Variants in CLN3 observed in about 807,000 individuals in gnomAD.
CLN3 encodes battenin.
CLN3 carries 49 observed loss-of-function variants against 60.7 expected under a neutral mutation model. The ratio of observed to expected loss-of-function variants is 0.81; its 90% CI spans 0.64 to 1.02. The LOEUF is 1.02. Among genes scored for constraint, CLN3 ranks in the 50% least tolerant of loss-of-function variants. The pLI, the probability that CLN3 is intolerant of heterozygous loss-of-function variation, is 0.00. For synonymous variants in CLN3, 256 were observed against 245.8 expected, an observed-to-expected ratio of 1.04 and a Z score of -0.39; for missense variants, 516 against 557.4, an observed-to-expected ratio of 0.93 and a Z score of 0.75.
chr16:28,490,081 G>C (rs934672962), intron 3 of CLN3, among the ~76,000 whole-genome samples: 4 of 145,164 alleles, frequency 2.8e-5, no homozygotes, highest in Non-Finnish European at 6.0e-5. Context: ...AAAAAGGAGA[G>C]TGGTCACAGA....
Position 28,487,094 on chromosome 16 carries a change from A to G in CLN3, c.460+362T>C, listed in dbSNP as rs1457972385. On this transcript the variant is annotated intron_variant, in intron 7 of 15. Transcript: ENST00000636147. ...CCCAGCTAATTTTTGTATTTTTGGT[A>G]GAGACGGGGTTTCTCCATGTTGGCC... is the stretch of plus-strand genomic sequence containing the variant. The G allele has an allele frequency of 1.3e-5, 5 of 375,016 alleles. No individual in the cohort carries two copies. The East Asian group carries it at 3.1e-4, about 24-fold the overall frequency. The allele number at this position is 375,016 out of a possible 1,614,324, so 23.2% of individuals were successfully genotyped here.
downstream of CLN3, among the ~76,000 whole-genome samples, chr16:28,472,193 A>T (rs1272961643): frequency 1.3e-5 from 2 of 152,182 alleles, no homozygotes; most frequent in African/African-American, 4.8e-5. Flanking sequence ...TGGGCAGATC[A>T]TTTGAGCTGA....
downstream of CLN3, chr16:28,474,162 G>A (rs1296344640): frequency 6.6e-6 from 1 of 152,284 alleles, no homozygotes; most frequent in South Asian, 2.1e-4. Context: ...CAGCTACTTG[G>A]GAGGCTGAGG....
At chr16:28,472,023 C>G (rs971201504), downstream of CLN3, among the ~76,000 whole-genome samples, 1 of 151,988 alleles carries the variant, frequency 6.6e-6, no homozygotes, top group African/African-American at 2.4e-5. Flanking sequence ...GAGCGAGACT[C>G]CGTCTCCAAA....
chr16:28,491,821 G>T lies in CLN3; in HGVS notation c.-62C>A. 6.3e-7 allele frequency: 1 copy of T among 1,594,504 alleles called. No individual in the cohort carries two copies. The highest frequency in any genetic ancestry group is 8.6e-7 in the Non-Finnish European group (1 of 1,169,356). ...TAGAGTGTCCAAAGGGGGCTCCCAC[G>T]GGAGGGATGAGGGTCTGCGACAGGT... On this transcript the variant is annotated 5_prime_UTR_variant, in exon 2 of 16. Transcript: ENST00000636147.
Position 28,477,573 on chromosome 16 carries a change from G to C in CLN3, c.1260C>G (p.Ile420Met), listed in dbSNP as rs753454206. The change falls in exon 16 of 16, where the codon ATC (isoleucine) becomes ATG (methionine). Residue 420 changes from isoleucine (I) to methionine (M), a missense_variant. By Grantham distance (10) the Ile-to-Met change is conservative (BLOSUM62 1). Coordinates refer to ENST00000636147, the MANE Select transcript of CLN3 (RefSeq NM_001042432.2). The stretch of plus-strand genomic sequence containing the variant: ...GCAAAGCCAGGAGCCCCGACAGGGA[G>C]ATCCCCAGTGTGTCAGAGATGCAGG... Reference protein sequence around the residue: ...AATCISDTLGISLSGLLALPL... With the variant: ...AATCISDTLGMSLSGLLALPL... The C allele has an allele frequency of 6.2e-7, 1 of 1,613,996 alleles. No individual in the cohort carries two copies. The highest frequency in any genetic ancestry group is 8.5e-7 in the Non-Finnish European group (1 of 1,180,024).
At position 28,491,517 on chromosome 16, in the gene CLN3, A is replaced by T; in HGVS notation, c.90T>A (p.His30Gln). The change falls in exon 3 of 16, where the codon CAT becomes CAA. Residue 30 changes from histidine to glutamine, a missense_variant. Transcript: ENST00000636147. ...VPEPRLPLLD[H>Q]QGAHWKNAVG... ...CCGCGTTCTTCCAATGCGCGCCCTGATGGTCCAACAGAGGGAGCCGGGGCT... is the reference window on the plus strand; with the variant it reads ...CCGCGTTCTTCCAATGCGCGCCCTGTTGGTCCAACAGAGGGAGCCGGGGCT... 2 of 1,613,974 alleles carry T rather than the reference A, an allele frequency of 1.2e-6. No homozygotes were observed. The highest frequency in any genetic ancestry group is 8.5e-7 in the Non-Finnish European group (1 of 1,180,032).
At chr16:28,480,846 T>C (rs1251012865) in intron 14 of CLN3, among the ~76,000 whole-genome samples, 1 of 152,218 alleles carries the variant, frequency 6.6e-6, no homozygotes. Context: ...TAGACTGTTG[T>C]AAGGAAGGGT....
chr16:28,473,073 G>C (rs1392445299), downstream of CLN3, among the ~76,000 whole-genome samples: 1 of 151,934 alleles, frequency 6.6e-6, no homozygotes, highest in Non-Finnish European at 1.5e-5. Context: ...GAGTAGCTGG[G>C]AGTACAGGCA....
downstream of CLN3, among the ~76,000 whole-genome samples, chr16:28,470,040 C>T (rs1417016381): frequency 6.9e-6 from 1 of 145,910 alleles, no homozygotes; most frequent in African/African-American, 2.6e-5. Context: ...TGTTTTGGTC[C>T]ATTTTGTTTG....
chr16:28,490,659 C>G (rs1193707174), intron 3 of CLN3, among the ~76,000 whole-genome samples: 1 of 147,402 alleles, frequency 6.8e-6, no homozygotes, highest in Admixed American at 7.0e-5. Context: ...ACTCCGGAGG[C>G]TGAGGCAAAA....
downstream of CLN3, among the ~76,000 whole-genome samples, chr16:28,472,225 C>A (rs185287876): frequency 2.0e-5 from 3 of 152,028 alleles, no homozygotes; most frequent in East Asian, 1.9e-4. Flanking sequence ...CCAGACTGGG[C>A]AACATAGTGA....
chr16:28,480,226 A>AT (rs1314622833), intron 14 of CLN3, among the ~76,000 whole-genome samples: 1 of 150,584 alleles, frequency 6.6e-6, no homozygotes, highest in Non-Finnish European at 1.5e-5. Context: ...TTTTTTTTTA[A>AT]TTTTTTGTAG....
At chr16:28,474,015 C>T (rs2045972086), downstream of CLN3, 1 of 151,782 alleles carries the variant, frequency 6.6e-6, no homozygotes, top group East Asian at 1.9e-4. Flanking sequence ...TGCCTGTAAT[C>T]CCAGCACTCT....
At chr16:28,482,434 C>T (rs935793554) in intron 12 of CLN3, 43 bp downstream of exon 12, 1 of 1,613,820 alleles carries the variant, frequency 6.2e-7, no homozygotes, top group Non-Finnish European at 8.5e-7. Flanking sequence ...GGGTCCCAGC[C>T]CCAATCGCCA....
At position 28,486,796 on chromosome 16, in the gene CLN3, C is replaced by A; in HGVS notation, c.461-146G>T. 5.2e-6 allele frequency: 4 copies of A among 764,894 alleles called. No individual in the cohort carries two copies. The South Asian group carries it at 5.9e-5, about 11-fold the overall frequency. The allele number at this position is 764,894 out of a possible 1,614,324, so 47.4% of individuals were successfully genotyped here. On this transcript the variant is annotated intron_variant, in intron 7 of 15. Coordinates refer to ENST00000636147, the MANE Select transcript of CLN3 (RefSeq NM_001042432.2). ...CATAGGCCAGGTTCCAGGTCTGAAG[C>A]AGAGCCCCACTCCCCTGCGTGTCCC...
chr16:28,483,862 C>A, intron 10 of CLN3, 144 bp downstream of exon 10: 1 of 667,986 alleles, frequency 1.5e-6, no homozygotes, highest in Non-Finnish European at 2.6e-6. Context: ...TCGTCCTCAA[C>A]AAGTATTTCT....
At chr16:28,491,603 G>A in intron 2 of CLN3, 43 bp from the exon 3 acceptor site, 4 of 1,613,476 alleles carry the variant, frequency 2.5e-6, no homozygotes, top group Non-Finnish European at 3.4e-6. Flanking sequence ...CTACTCTCAG[G>A]TGCACGACCG....
chr16:28,482,715 C>A, intron 10 of CLN3, 43 bp from the exon 11 acceptor site: 1 of 1,608,490 alleles, frequency 6.2e-7, no homozygotes. Context: ...AGTTTTCACA[C>A]TGAAGACTCG....
Sources: allele counts gnomAD v4.1 joint callset (sites outside exome capture counted in the v4.1 genomes callset), GRCh38; gene constraint gnomAD v4.1.1; transcripts MANE v1.5; gene names NCBI Gene and HGNC (gene_info 2026-07-23, HGNC 2026-07-21).